KCNN2: variants seen among roughly 807,000 people sequenced by gnomAD.
KCNN2 encodes the protein potassium calcium-activated channel subfamily N member 2, also known as small conductance calcium-activated potassium channel protein 2.
KCNN2 carries 24 observed loss-of-function variants against 55.5 expected under a neutral mutation model. The ratio of observed to expected loss-of-function variants is 0.43; its 90% CI spans 0.31 to 0.61. KCNN2 has a LOEUF of 0.61. Ranked by LOEUF, KCNN2 falls within the 20% of genes least tolerant of loss-of-function variation. KCNN2 has a pLI of 0.08. For missense variants in KCNN2, 754 were observed against 853.6 expected (o/e 0.88, Z 1.45); for synonymous variants, 431 against 336.1 (o/e 1.28, Z -3.09).
At chr5:114,113,170 A>G (rs1015988371) in intron 1 of KCNN2, among the ~76,000 whole-genome samples, 1 of 152,030 alleles carries the variant, frequency 6.6e-6, no homozygotes, top group Non-Finnish European at 1.5e-5. Context: ...TATTTGGGAA[A>G]TGTTCAATGT....
intron 1 of KCNN2, among the ~76,000 whole-genome samples, chr5:114,130,623 T>C (rs903061383): frequency 4.6e-5 from 7 of 152,200 alleles, no homozygotes; most frequent in African/African-American, 1.7e-4. Flanking sequence ...GTAGAGTTAG[T>C]CTGTTTTTGT....
exon 1 of KCNN2, chr5:114,056,379 C>A: frequency 2.5e-6 from 1 of 398,630 alleles, no homozygotes; most frequent in Non-Finnish European, 4.4e-6. Flanking sequence ...GTGAACCTGC[C>A]GGAATTCTCA....
At chr5:114,247,915 T>C (rs1028780831) in intron 2 of KCNN2, among the ~76,000 whole-genome samples, 4 of 151,854 alleles carry the variant, frequency 2.6e-5, no homozygotes, top group Non-Finnish European at 5.9e-5. Flanking sequence ...TGCATCTCAG[T>C]ATAATTATCT....
chr5:114,413,828 A>G (rs1759213651), intron 3 of KCNN2, among the ~76,000 whole-genome samples: 1 of 152,148 alleles, frequency 6.6e-6, no homozygotes, highest in South Asian at 2.1e-4. Context: ...TACAGATTTC[A>G]TGGAATAGAG....
chr5:114,216,751 C>T (rs1239553287), intron 1 of KCNN2, among the ~76,000 whole-genome samples: 1 of 152,036 alleles, frequency 6.6e-6, no homozygotes, highest in Non-Finnish European at 1.5e-5. Flanking sequence ...TTCATTGTTG[C>T]ACTGGATGTT....
At chr5:114,476,126 C>T (rs1023329545) in intron 5 of KCNN2, among the ~76,000 whole-genome samples, 14 of 151,362 alleles carry the variant, frequency 9.2e-5, no homozygotes, top group Admixed American at 4.6e-4. Context: ...CATGCTGGTG[C>T]GCTGCACCCA....
At chr5:114,132,487 A>C (rs1752091069) in intron 1 of KCNN2, among the ~76,000 whole-genome samples, 1 of 152,072 alleles carries the variant, frequency 6.6e-6, no homozygotes, top group African/African-American at 2.4e-5. Flanking sequence ...TCCATTGCTG[A>C]CAGGATTCTT....
intron 2 of KCNN2, among the ~76,000 whole-genome samples, chr5:114,390,045 A>T (rs1293243047): frequency 3.3e-5 from 5 of 152,176 alleles, no homozygotes; most frequent in African/African-American, 4.8e-5. Flanking sequence ...CTAAGGGCAA[A>T]TGAGATAATA....
At chr5:114,133,756 A>G (rs552507196) in intron 1 of KCNN2, among the ~76,000 whole-genome samples, 1 of 152,336 alleles carries the variant, frequency 6.6e-6, no homozygotes, top group Non-Finnish European at 1.5e-5. Flanking sequence ...CTGAAAACAA[A>G]TGTTAACACT....
chr5:114,293,783 T>G (rs372719930), intron 2 of KCNN2, among the ~76,000 whole-genome samples: 7 of 152,168 alleles, frequency 4.6e-5, no homozygotes, highest in South Asian at 2.1e-4. Context: ...GTTCCTCCTT[T>G]TACCTCTGGT....
chr5:114,475,869 T>A (rs1473888254), intron 5 of KCNN2, among the ~76,000 whole-genome samples: 3 of 152,130 alleles, frequency 2.0e-5, no homozygotes, highest in Non-Finnish European at 4.4e-5. Context: ...ATGCTACAGC[T>A]TTTTTGTTGT....
chr5:114,420,905 A>G lies in KCNN2; in HGVS notation c.1637+16049A>G, dbSNP rs1276907006. On this transcript the variant is annotated intron_variant, in intron 3 of 7. Coordinates refer to ENST00000673685, the MANE Select transcript of KCNN2 (RefSeq NM_021614.4). ...GCCAAAGGACTATCATTTTATGGCAATTTTCAAGTTAGGTAAAAATAATAT... is the reference window on the plus strand; with the variant it reads ...GCCAAAGGACTATCATTTTATGGCAGTTTTCAAGTTAGGTAAAAATAATAT... Among the ~76,000 whole-genome samples, 5 of 152,076 alleles carry G rather than the reference A, an allele frequency of 3.3e-5. No individual in the cohort carries two copies. The South Asian group carries it at 8.3e-4, about 25-fold the overall frequency.
chr5:114,077,927 C>A (rs575803972), intron 1 of KCNN2, among the ~76,000 whole-genome samples: 4 of 152,304 alleles, frequency 2.6e-5, no homozygotes, highest in African/African-American at 9.6e-5. Flanking sequence ...TTTAGTTAGA[C>A]AAATGTATTT....
intron 2 of KCNN2, among the ~76,000 whole-genome samples, chr5:114,377,840 A>G (rs951545477): frequency 1.3e-5 from 2 of 152,224 alleles, no homozygotes; most frequent in Non-Finnish European, 2.9e-5. Context: ...GACAGTGTTT[A>G]TGAAGAATCT....
At chr5:114,436,392 C>T (rs569991397) in intron 3 of KCNN2, among the ~76,000 whole-genome samples, 46 of 152,204 alleles carry the variant, frequency 3.0e-4, no homozygotes, top group African/African-American at 1.1e-3. Flanking sequence ...TTTTGTTCCC[C>T]TTATGGAATC....
intron 1 of KCNN2, among the ~76,000 whole-genome samples, chr5:114,149,277 C>A (rs1752466973): frequency 6.6e-6 from 1 of 152,064 alleles, no homozygotes; most frequent in African/African-American, 2.4e-5. Context: ...ATCGTCGAGA[C>A]CGAAGACTAG....
At chr5:114,109,601 A>T (rs910053835) in intron 1 of KCNN2, among the ~76,000 whole-genome samples, 2 of 152,080 alleles carry the variant, frequency 1.3e-5, no homozygotes, top group Non-Finnish European at 2.9e-5. Flanking sequence ...ACCGAATATG[A>T]CCAAATAAAT....
chr5:114,481,198 A>G (rs1431547643), intron 5 of KCNN2, among the ~76,000 whole-genome samples: 1 of 152,128 alleles, frequency 6.6e-6, no homozygotes, highest in Non-Finnish European at 1.5e-5. Context: ...ATTCCTATAC[A>G]CCACCAACAG....
intron 2 of KCNN2, among the ~76,000 whole-genome samples, chr5:114,383,858 G>A (rs949243288): frequency 6.6e-6 from 1 of 152,186 alleles, no homozygotes; most frequent in African/African-American, 2.4e-5. Context: ...AGAGAAGTCA[G>A]GATGTGTTTG....
Sources: allele counts gnomAD v4.1 joint callset (sites outside exome capture counted in the v4.1 genomes callset), GRCh38; gene constraint gnomAD v4.1.1; transcripts MANE v1.5; gene names NCBI Gene and HGNC (gene_info 2026-07-23, HGNC 2026-07-21).